The following FER variants were observed in gnomAD, a reference collection of about 807,000 sequenced individuals.
FER encodes the protein tyrosine-protein kinase Fer.
In FER, 63 loss-of-function variants were observed where a neutral mutation model predicts 111.0. The ratio of observed to expected loss-of-function variants is 0.57; its 90% confidence interval spans 0.46 to 0.70. The LOEUF is 0.70. Ranked by LOEUF, FER falls within the 30% of genes least tolerant of loss-of-function variation. The probability of loss-of-function intolerance (pLI) is 0.00; values close to 1 mark genes in which losing one functional copy is unlikely to be tolerated. For missense variants in FER, 914 were observed against 954.0 expected, an observed-to-expected ratio of 0.96 and a Z score of 0.55; for synonymous variants, 327 against 313.9, an observed-to-expected ratio of 1.04 and a Z score of -0.44.
chr5:109,032,338 C>G (rs1769752004), intron 13 of FER, among the ~76,000 whole-genome samples: 1 of 152,182 alleles, frequency 6.6e-6, no homozygotes, highest in South Asian at 2.1e-4. Flanking sequence ...AACTCCTACC[C>G]TTCACTGAAC....
chr5:108,932,785 C>CT (rs369180607), intron 10 of FER, among the ~76,000 whole-genome samples: 28,668 of 149,648 alleles, frequency 0.19, 3,138 homozygotes, highest in African/African-American at 0.3. Context: ...TGATGATGAG[C>CT]TTTTTTTTGT....
At chr5:108,923,089 G>T (rs928922799) in intron 10 of FER, among the ~76,000 whole-genome samples, 1 of 152,038 alleles carries the variant, frequency 6.6e-6, no homozygotes. Context: ...ATTTCATAGG[G>T]TTAATGTGGG....
intron 17 of FER, among the ~76,000 whole-genome samples, chr5:109,106,847 A>G (rs891693753): frequency 1.3e-5 from 2 of 152,196 alleles, no homozygotes; most frequent in African/African-American, 4.8e-5. Context: ...TAGCCAATTA[A>G]CATCTTGGCT....
Position 109,072,425 on chromosome 5 carries a change from CAG to C in FER, c.1924+25230_1924+25231del, listed in dbSNP as rs377719328. 1.3e-4 allele frequency among the ~76,000 whole-genome samples: 19 copies of C among 150,856 alleles called. No individual in the cohort carries two copies. In the South Asian group the frequency reaches 3.2e-3, roughly 25 times the overall value. On this transcript the variant is annotated intron_variant, in intron 16 of 19. Coordinates refer to ENST00000281092, the MANE Select transcript of FER (RefSeq NM_005246.4). ...ACTTCTGCACCAACCTAATATTTTT[CAG>C]AGTCATTAATCCCTCTGGGTTTGTT... is the stretch of plus-strand genomic sequence containing the variant.
intron 17 of FER, among the ~76,000 whole-genome samples, chr5:109,140,149 T>C (rs918737506): frequency 1.1e-4 from 17 of 152,224 alleles, no homozygotes; most frequent in African/African-American, 2.4e-4. Flanking sequence ...AAAAAACATA[T>C]GCTTATTATA....
chr5:109,105,689 G>C (rs1358124463), intron 17 of FER, among the ~76,000 whole-genome samples: 1 of 152,084 alleles, frequency 6.6e-6, no homozygotes, highest in Non-Finnish European at 1.5e-5. Context: ...ACTCCATTCT[G>C]ACACATTTCC....
At chr5:109,021,205 A>G (rs58499805) in intron 13 of FER, among the ~76,000 whole-genome samples, 26,530 of 151,890 alleles carry the variant, frequency 0.17, 2,563 homozygotes, top group Non-Finnish European at 0.22. Context: ...TTTAATTAAT[A>G]AATTTAGATT....
intron 5 of FER, among the ~76,000 whole-genome samples, chr5:108,857,923 T>G (rs1412764628): frequency 6.6e-6 from 1 of 152,208 alleles, no homozygotes; most frequent in Non-Finnish European, 1.5e-5. Context: ...TGGCTCATCT[T>G]ATACTTTTCC....
chr5:108,852,834 G>A (rs928251671), intron 5 of FER, among the ~76,000 whole-genome samples: 1 of 152,058 alleles, frequency 6.6e-6, no homozygotes. Context: ...GCTTTAATTT[G>A]CATTGGTTTA....
At chr5:109,078,437 A>G (rs571827637) in intron 16 of FER, among the ~76,000 whole-genome samples, 2 of 152,324 alleles carry the variant, frequency 1.3e-5, no homozygotes, top group Admixed American at 1.3e-4. Context: ...TACATCTGTC[A>G]TAAAACTAGG....
At chr5:108,816,946 A>G (rs1361426760) in intron 3 of FER, among the ~76,000 whole-genome samples, 1 of 151,622 alleles carries the variant, frequency 6.6e-6, no homozygotes, top group Non-Finnish European at 1.5e-5. Context: ...TACCAAAAAT[A>G]AAAGAAAATT....
chr5:108,820,401 T>C, intron 3 of FER: 6 of 985,432 alleles, frequency 6.1e-6, no homozygotes, highest in South Asian at 4.7e-5. Context: ...AAGGTGACTA[T>C]GGCTGGTTAT....
At chr5:108,999,707 A>ATT (rs35747458) in intron 13 of FER, among the ~76,000 whole-genome samples, 9,367 of 147,716 alleles carry the variant, frequency 0.063, 926 homozygotes, top group African/African-American at 0.21. Flanking sequence ...CATTCTTACT[A>ATT]TTTTTTTTTT....
chr5:109,054,388 A>G (rs564850729), intron 16 of FER, among the ~76,000 whole-genome samples: 9 of 152,196 alleles, frequency 5.9e-5, no homozygotes, highest in Non-Finnish European at 1.2e-4. Context: ...GATGTCATGC[A>G]TGTTTTCATT....
chr5:109,017,067 T>G (rs1318397505), intron 13 of FER, among the ~76,000 whole-genome samples: 2 of 152,050 alleles, frequency 1.3e-5, no homozygotes, highest in African/African-American at 4.8e-5. Flanking sequence ...TATGGCAGCC[T>G]AAGCTGACCA....
rs961306627 is a variant in FER, at chr5:108,800,907, C to T, written c.207+2518C>T. Reference sequence around the variant, plus strand: ...CAAAAATACAAAAAAATTAGCCGGGCGTGGTGGCGAGTGCCTGTAGTCCCA... The same window carrying T: ...CAAAAATACAAAAAAATTAGCCGGGTGTGGTGGCGAGTGCCTGTAGTCCCA... On this transcript the variant is annotated intron_variant, in intron 3 of 19. Transcript: ENST00000281092. 9.2e-5 allele frequency among the ~76,000 whole-genome samples: 14 copies of T among 152,074 alleles called. No individual in the cohort carries two copies. In the East Asian group the frequency reaches 1.2e-3, roughly 13 times the overall value.
chr5:108,852,150 C>G (rs1762600154), intron 5 of FER, among the ~76,000 whole-genome samples: 1 of 152,220 alleles, frequency 6.6e-6, no homozygotes, highest in South Asian at 2.1e-4. Context: ...TTACCTACTG[C>G]TAGAACTGTG....
At chr5:109,006,420 C>T (rs1284800869) in intron 13 of FER, among the ~76,000 whole-genome samples, 1 of 152,136 alleles carries the variant, frequency 6.6e-6, no homozygotes, top group Non-Finnish European at 1.5e-5. Context: ...TTGCCTACCG[C>T]CATGTGAGAC....
intron 1 of FER, among the ~76,000 whole-genome samples, chr5:108,756,721 A>T (rs1751152231): frequency 6.6e-6 from 1 of 152,162 alleles, no homozygotes; most frequent in South Asian, 2.1e-4. Flanking sequence ...CTTTATGTAG[A>T]TTTATATACA....
Sources: allele counts gnomAD v4.1 joint callset (sites outside exome capture counted in the v4.1 genomes callset), GRCh38; gene constraint gnomAD v4.1.1; transcripts MANE v1.5; gene names NCBI Gene and HGNC (gene_info 2026-07-23, HGNC 2026-07-21).